PRKCH: variants seen among roughly 807,000 people sequenced by gnomAD.
The protein encoded by PRKCH is protein kinase C eta type.
Under a neutral mutation model 82.5 loss-of-function variants are expected in PRKCH, and 28 were observed. The observed-to-expected ratio is 0.34, with a 90% CI of 0.25 to 0.47. The LOEUF (loss-of-function observed/expected upper bound fraction) is 0.47, where lower values mean the gene tolerates loss of function less well. Ranked by LOEUF, PRKCH falls within the 20% of genes least tolerant of loss-of-function variation. The pLI, the probability that PRKCH is intolerant of heterozygous loss-of-function variation, is 1.00. For missense variants in PRKCH, 705 were observed against 881.8 expected (o/e 0.80, Z 2.54); for synonymous variants, 322 against 327.4 (o/e 0.98, Z 0.18).
At chr14:61,433,953 A>T (rs1314285453) in intron 2 of PRKCH, among the ~76,000 whole-genome samples, 1 of 152,244 alleles carries the variant, frequency 6.6e-6, no homozygotes, top group Non-Finnish European at 1.5e-5. Flanking sequence ...TTCCATAGTG[A>T]TCATCATATT....
intron 1 of PRKCH, among the ~76,000 whole-genome samples, chr14:61,211,174 A>G (rs1594854385): frequency 6.6e-6 from 1 of 152,176 alleles, no homozygotes; most frequent in Non-Finnish European, 1.5e-5. Context: ...AGTGGCCATG[A>G]TACATGGCCC....
At chr14:61,257,140 G>C (rs926591318) in intron 1 of PRKCH, among the ~76,000 whole-genome samples, 1 of 152,126 alleles carries the variant, frequency 6.6e-6, no homozygotes, top group Non-Finnish European at 1.5e-5. Flanking sequence ...CTCTCTGCAT[G>C]GGGCATGAAA....
At chr14:61,288,266 T>C (rs1039346862) in intron 1 of PRKCH, among the ~76,000 whole-genome samples, 2 of 152,166 alleles carry the variant, frequency 1.3e-5, no homozygotes, top group African/African-American at 4.8e-5. Flanking sequence ...AAATTAAATT[T>C]TATTTTTTTG....
chr14:61,223,879 C>T (rs1314782225), intron 1 of PRKCH, among the ~76,000 whole-genome samples: 1 of 152,238 alleles, frequency 6.6e-6, no homozygotes, highest in African/African-American at 2.4e-5. Flanking sequence ...GGCAACCTTA[C>T]ACCCACATGT....
intron 1 of PRKCH, among the ~76,000 whole-genome samples, chr14:61,358,326 C>T (rs543554450): frequency 3.9e-5 from 6 of 152,320 alleles, no homozygotes; most frequent in South Asian, 4.1e-4. Context: ...CCCTCATCCA[C>T]GGAGACATCC....
At chr14:61,350,866 T>A (rs1266417988) in intron 1 of PRKCH, among the ~76,000 whole-genome samples, 2 of 152,216 alleles carry the variant, frequency 1.3e-5, no homozygotes, top group African/African-American at 4.8e-5. Flanking sequence ...CCCTTTAATA[T>A]CCATGGTTGG....
At chr14:61,396,174 C>T (rs2046779593) in intron 2 of PRKCH, among the ~76,000 whole-genome samples, 1 of 151,564 alleles carries the variant, frequency 6.6e-6, no homozygotes, top group South Asian at 2.1e-4. Flanking sequence ...GTTGGCTTAT[C>T]TCCATGCCTG....
chr14:61,202,508 G>T (rs1285162898), intron 1 of PRKCH, among the ~76,000 whole-genome samples: 1 of 152,196 alleles, frequency 6.6e-6, no homozygotes, highest in Non-Finnish European at 1.5e-5. Context: ...GGTCTGCAAG[G>T]ATACAGGCCA....
chr14:61,418,017 T>C (rs1882649529), intron 2 of PRKCH, among the ~76,000 whole-genome samples: 1 of 152,208 alleles, frequency 6.6e-6, no homozygotes. Context: ...GCCAGCTGTT[T>C]ATTGAATTTC....
Position 61,328,801 on chromosome 14 carries a change from A to G in PRKCH, c.363+6337A>G, listed in dbSNP as rs143104394. On this transcript the variant is annotated intron_variant, in intron 1 of 13. Coordinates refer to ENST00000332981, the MANE Select transcript of PRKCH (RefSeq NM_006255.5). ...CCAGGAGTTTGAGACCAGCCTAAGT[A>G]AAATAGTGAGACCCCATCTCCACAA... Among the ~76,000 whole-genome samples, 560 of 152,066 alleles carry G rather than the reference A, an allele frequency of 3.7e-3. 3 individuals carry two copies. Among genetic ancestry groups the G allele is most frequent in the African/African-American group, 0.013 (526 of 41,440 alleles).
intron 1 of PRKCH, chr14:61,306,279 G>T (rs1242090123): frequency 1.3e-5 from 2 of 152,198 alleles, no homozygotes; most frequent in Non-Finnish European, 2.9e-5. Context: ...TCTCTGCTAG[G>T]CCTCATTAAG....
intron 9 of PRKCH, among the ~76,000 whole-genome samples, chr14:61,484,825 G>A (rs1240178185): frequency 3.4e-5 from 5 of 145,612 alleles, no homozygotes; most frequent in African/African-American, 5.1e-5. Context: ...TGGGAGTGCC[G>A]TGGCACAATC....
At chr14:61,334,141 C>G (rs564017507) in intron 1 of PRKCH, among the ~76,000 whole-genome samples, 2 of 152,164 alleles carry the variant, frequency 1.3e-5, no homozygotes, top group Non-Finnish European at 2.9e-5. Flanking sequence ...CCGACTCCAC[C>G]TCAGTGTGTG....
At chr14:61,337,580 T>C (rs893088326) in intron 1 of PRKCH, among the ~76,000 whole-genome samples, 1 of 152,120 alleles carries the variant, frequency 6.6e-6, no homozygotes, top group Admixed American at 6.5e-5. Context: ...ACCACCGTGG[T>C]TGGCTAATTA....
intron 10 of PRKCH, among the ~76,000 whole-genome samples, chr14:61,499,453 G>A (rs1036518147): frequency 5.3e-5 from 8 of 152,246 alleles, no homozygotes; most frequent in South Asian, 2.1e-4. Context: ...TTTGCTAGGT[G>A]TGTGGCTGGT....
intron 1 of PRKCH, among the ~76,000 whole-genome samples, chr14:61,216,480 CAAAAATTAAA>C (rs2044617292): frequency 6.6e-6 from 1 of 150,686 alleles, no homozygotes; most frequent in South Asian, 2.1e-4. Flanking sequence ...AAAAAAAAAA[CAAAAATTAAA>C]AAAAATTAAA....
intron 1 of PRKCH, among the ~76,000 whole-genome samples, chr14:61,356,062 A>AT (rs2046144126): frequency 6.6e-6 from 1 of 152,208 alleles, no homozygotes; most frequent in African/African-American, 2.4e-5. Context: ...GAACCGGAAG[A>AT]GCAGGAACTG....
intron 1 of PRKCH, among the ~76,000 whole-genome samples, chr14:61,193,060 A>G (rs1414627707): frequency 1.3e-5 from 2 of 152,188 alleles, no homozygotes; most frequent in Non-Finnish European, 2.9e-5. Flanking sequence ...AATTAAAGGC[A>G]AGGGAAGCCA....
chr14:61,464,563 C>T (rs1055562295), intron 9 of PRKCH, among the ~76,000 whole-genome samples: 3 of 152,138 alleles, frequency 2.0e-5, no homozygotes, highest in African/African-American at 4.8e-5. Context: ...TGCCCTCCCA[C>T]CCAACAGGCT....
Sources: allele counts gnomAD v4.1 joint callset (sites outside exome capture counted in the v4.1 genomes callset), GRCh38; gene constraint gnomAD v4.1.1; transcripts MANE v1.5; gene names NCBI Gene and HGNC (gene_info 2026-07-23, HGNC 2026-07-21).